Variants in CHRM3 observed in about 807,000 individuals in gnomAD.
The protein encoded by CHRM3 is muscarinic acetylcholine receptor M3.
Under a neutral mutation model 41.8 loss-of-function variants are expected in CHRM3, and 11 were observed. The ratio of observed to expected loss-of-function variants is 0.26; its 90% CI spans 0.17 to 0.44. The LOEUF (loss-of-function observed/expected upper bound fraction) is 0.44, where lower values mean the gene tolerates loss of function less well. CHRM3 is among the 20% of genes least tolerant of loss of function. CHRM3 has a pLI of 1.00. For missense variants in CHRM3, 571 were observed against 745.4 expected, an observed-to-expected ratio of 0.77 and a Z score of 2.72; for synonymous variants, 297 against 301.4, an observed-to-expected ratio of 0.99 and a Z score of 0.15.
chr1:239,686,984 C>T (rs1558454477), intron 5 of CHRM3, among the ~76,000 whole-genome samples: 1 of 152,030 alleles, frequency 6.6e-6, no homozygotes, highest in Non-Finnish European at 1.5e-5. Flanking sequence ...AACATAAGTG[C>T]TTTAAAATAT....
intron 1 of CHRM3, among the ~76,000 whole-genome samples, chr1:239,454,614 A>C (rs989364864): frequency 6.6e-6 from 1 of 151,974 alleles, no homozygotes; most frequent in Non-Finnish European, 1.5e-5. Context: ...CTAATCACAC[A>C]CTGGGGCACC....
At position 239,446,056 on chromosome 1, in the gene CHRM3, G is replaced by A. The variant is rs113003335; in HGVS notation, c.-520-46653G>A. Among the ~76,000 whole-genome samples the A allele has an allele frequency of 9.1e-3, 1,388 of 152,118 alleles. 14 individuals are homozygous for A. Among genetic ancestry groups the A allele is most frequent in the Non-Finnish European group, 0.014 (943 of 68,002 alleles). On this transcript the variant is annotated intron_variant, in intron 1 of 6. Transcript: ENST00000676153. ...GGGTTCAAGCAATTCTCCTGCCTCA[G>A]CCTCTGAGTAGCTGGAACTACAGGT...
At chr1:239,843,861 G>A (rs1252145067) in intron 6 of CHRM3, among the ~76,000 whole-genome samples, 2 of 151,702 alleles carry the variant, frequency 1.3e-5, no homozygotes, top group Non-Finnish European at 2.9e-5. Context: ...CTGTGTATAT[G>A]TGTGTATGTG....
At chr1:239,586,379 G>A (rs1195796937) in intron 3 of CHRM3, among the ~76,000 whole-genome samples, 2 of 152,034 alleles carry the variant, frequency 1.3e-5, no homozygotes, top group Non-Finnish European at 2.9e-5. Flanking sequence ...AAATTGTGGA[G>A]GTGAGCTTGG....
At chr1:239,431,432 T>A (rs1662826891) in intron 1 of CHRM3, among the ~76,000 whole-genome samples, 1 of 152,208 alleles carries the variant, frequency 6.6e-6, no homozygotes, top group Non-Finnish European at 1.5e-5. Flanking sequence ...CAAGGTTCAG[T>A]GGTTCTACAT....
chr1:239,451,804 A>G (rs1008135852), intron 1 of CHRM3, among the ~76,000 whole-genome samples: 60 of 152,302 alleles, frequency 3.9e-4, no homozygotes, highest in African/African-American at 1.3e-3. Flanking sequence ...ATGTACATAC[A>G]TATACATAAA....
intron 5 of CHRM3, among the ~76,000 whole-genome samples, chr1:239,716,177 A>G (rs1225824574): frequency 6.6e-6 from 1 of 152,156 alleles, no homozygotes. Flanking sequence ...AGAAGAAAGT[A>G]GAGCCAAAGG....
At chr1:239,585,329 C>T (rs1340907225) in intron 3 of CHRM3, among the ~76,000 whole-genome samples, 2 of 151,752 alleles carry the variant, frequency 1.3e-5, no homozygotes, top group African/African-American at 2.4e-5. Flanking sequence ...GAAGTGTGTC[C>T]CCAGTAGGTG....
At chr1:239,741,993 G>A (rs777894948) in intron 5 of CHRM3, among the ~76,000 whole-genome samples, 6 of 151,862 alleles carry the variant, frequency 4.0e-5, no homozygotes, top group Non-Finnish European at 7.4e-5. Context: ...TCTTCCTCCC[G>A]TTACTGTCCT....
intron 1 of CHRM3, among the ~76,000 whole-genome samples, chr1:239,480,816 C>G (rs973654955): frequency 6.6e-6 from 1 of 152,040 alleles, no homozygotes; most frequent in Non-Finnish European, 1.5e-5. Flanking sequence ...CCTCGGCCTC[C>G]CAAAGTGCTG....
chr1:239,786,293 T>G (rs1031801859), intron 5 of CHRM3, among the ~76,000 whole-genome samples: 1 of 152,158 alleles, frequency 6.6e-6, no homozygotes, highest in Admixed American at 6.5e-5. Context: ...CCATGCTAGA[T>G]TACTGTGAGG....
chr1:239,717,661 T>G (rs1204497957), intron 5 of CHRM3, among the ~76,000 whole-genome samples: 1 of 151,974 alleles, frequency 6.6e-6, no homozygotes, highest in Non-Finnish European at 1.5e-5. Context: ...TCTGCTTTCT[T>G]AAGGTAAGGT....
At chr1:239,602,090 A>ATGTGTGTGTGTGTGTGTGTGTG (rs1553337601) in intron 3 of CHRM3, among the ~76,000 whole-genome samples, 1 of 131,232 alleles carries the variant, frequency 7.6e-6, no homozygotes, top group African/African-American at 3.2e-5. Flanking sequence ...ACATATATAC[A>ATGTGTGTGTGTGTGTGTGTGTG]TGTGTGTGTG....
intron 1 of CHRM3, among the ~76,000 whole-genome samples, chr1:239,481,918 T>G (rs1666880517): frequency 6.6e-6 from 1 of 152,158 alleles, no homozygotes; most frequent in South Asian, 2.1e-4. Flanking sequence ...GATTGATAAC[T>G]TTTGAACAAG....
intron 5 of CHRM3, among the ~76,000 whole-genome samples, chr1:239,805,953 C>T (rs1201079040): frequency 1.3e-5 from 2 of 152,090 alleles, no homozygotes; most frequent in Admixed American, 6.5e-5. Flanking sequence ...TTCATTACCA[C>T]GTTAAAAACG....
At chr1:239,856,508 C>T (rs190808102) in intron 6 of CHRM3, among the ~76,000 whole-genome samples, 114 of 152,184 alleles carry the variant, frequency 7.5e-4, no homozygotes, top group African/African-American at 2.4e-3. Context: ...TTTAAGTTTC[C>T]TGAGGCCTTT....
intron 4 of CHRM3, among the ~76,000 whole-genome samples, chr1:239,643,285 G>C (rs922630278): frequency 1.3e-5 from 2 of 152,202 alleles, no homozygotes; most frequent in African/African-American, 4.8e-5. Context: ...GAGAACCACT[G>C]CTCTCTTCAA....
chr1:239,617,410 G>A (rs1311060438), intron 3 of CHRM3, among the ~76,000 whole-genome samples: 1 of 152,132 alleles, frequency 6.6e-6, no homozygotes, highest in Non-Finnish European at 1.5e-5. Context: ...CAGTCCTGGT[G>A]ACTCTCTACA....
At chr1:239,613,334 G>T (rs1667273001) in intron 3 of CHRM3, among the ~76,000 whole-genome samples, 1 of 152,184 alleles carries the variant, frequency 6.6e-6, no homozygotes, top group Non-Finnish European at 1.5e-5. Context: ...ACTTGGAGCA[G>T]AACAAGTAAC....
Sources: gnomAD v4.1 joint callset for allele counts (sites outside exome capture counted in the v4.1 genomes callset) on GRCh38, gnomAD v4.1.1 for gene constraint, MANE v1.5 for transcripts, NCBI Gene and HGNC (gene_info 2026-07-23, HGNC 2026-07-21) for gene names.